Variants in PIBF1 observed in about 807,000 individuals in gnomAD.
The protein encoded by PIBF1 is progesterone immunomodulatory binding factor 1, also known as progesterone-induced-blocking factor 1.
Under a neutral mutation model 112.5 loss-of-function variants are expected in PIBF1, and 90 were observed. The ratio of observed to expected loss-of-function variants is 0.80; its 90% confidence interval spans 0.67 to 0.95. The LOEUF (loss-of-function observed/expected upper bound fraction) is 0.95. Ranked by LOEUF, PIBF1 falls within the 40% of genes least tolerant of loss-of-function variation. PIBF1 has a pLI of 0.00. For missense variants in PIBF1, 915 were observed against 852.3 expected, an observed-to-expected ratio of 1.07 and a Z score of -0.92; for synonymous variants, 301 against 288.6, an observed-to-expected ratio of 1.04 and a Z score of -0.44.
chr13:72,950,993 G>A (rs1381674919), intron 14 of PIBF1, among the ~76,000 whole-genome samples: 1 of 152,162 alleles, frequency 6.6e-6, no homozygotes, highest in Non-Finnish European at 1.5e-5. Flanking sequence ...AATCAGCAAG[G>A]AAAAAGGCAT....
At chr13:72,857,176 C>T (rs2038460415) in intron 10 of PIBF1, among the ~76,000 whole-genome samples, 1 of 152,076 alleles carries the variant, frequency 6.6e-6, no homozygotes, top group African/African-American at 2.4e-5. Context: ...TGTGACAGGT[C>T]ACTAGGGTAG....
intron 14 of PIBF1, among the ~76,000 whole-genome samples, chr13:72,954,139 G>A (rs1047518199): frequency 7.2e-5 from 11 of 152,138 alleles, no homozygotes; most frequent in African/African-American, 2.7e-4. Context: ...GGAGGGAGTA[G>A]TAGAAGGCAG....
intron 13 of PIBF1, among the ~76,000 whole-genome samples, chr13:72,925,379 A>T (rs772638500): frequency 6.6e-6 from 1 of 152,132 alleles, no homozygotes; most frequent in Admixed American, 6.6e-5. Context: ...CATTCAATAG[A>T]TAATTTCTAA....
At chr13:72,989,383 A>G (rs2043401051) in intron 16 of PIBF1, among the ~76,000 whole-genome samples, 2 of 146,828 alleles carry the variant, frequency 1.4e-5, no homozygotes, top group Admixed American at 1.5e-4. Flanking sequence ...CATGCAGTGG[A>G]ATATGATTTT....
chr13:72,875,996 A>C (rs1487719856), intron 10 of PIBF1, among the ~76,000 whole-genome samples: 1 of 152,016 alleles, frequency 6.6e-6, no homozygotes, highest in Admixed American at 6.6e-5. Flanking sequence ...TTTTGTCTAA[A>C]AAGTCATGGC....
intron 10 of PIBF1, among the ~76,000 whole-genome samples, chr13:72,888,308 A>G (rs2039934128): frequency 1.3e-5 from 2 of 152,294 alleles, no homozygotes; most frequent in South Asian, 2.1e-4. Flanking sequence ...CAAATTTTAT[A>G]TGAAAGCATA....
At chr13:73,011,772 A>G (rs1428508268) in intron 17 of PIBF1, among the ~76,000 whole-genome samples, 1 of 152,178 alleles carries the variant, frequency 6.6e-6, no homozygotes, top group Admixed American at 6.5e-5. Context: ...TTCCCAGTAC[A>G]GTATGTCCAG....
intron 6 of PIBF1, among the ~76,000 whole-genome samples, chr13:72,825,154 A>G (rs1489247532): frequency 6.6e-6 from 1 of 152,192 alleles, no homozygotes; most frequent in Non-Finnish European, 1.5e-5. Context: ...TTGGATTACC[A>G]TTATGGTAAT....
chr13:72,865,076 A>G (rs775118960), intron 10 of PIBF1, among the ~76,000 whole-genome samples: 1 of 152,232 alleles, frequency 6.6e-6, no homozygotes, highest in Non-Finnish European at 1.5e-5. Flanking sequence ...TACCATTTTT[A>G]AATTTTGTTA....
chr13:72,811,130 G>A (rs1222773804), intron 5 of PIBF1, among the ~76,000 whole-genome samples: 1 of 152,082 alleles, frequency 6.6e-6, no homozygotes, highest in African/African-American at 2.4e-5. Context: ...AAAGTGCTGG[G>A]ATTATAGGCG....
At chr13:72,833,243 T>A (rs924869803) in intron 8 of PIBF1, among the ~76,000 whole-genome samples, 2 of 152,198 alleles carry the variant, frequency 1.3e-5, no homozygotes, top group African/African-American at 4.8e-5. Flanking sequence ...AGTTTGTTAT[T>A]ACCCACCTTC....
intron 10 of PIBF1, among the ~76,000 whole-genome samples, chr13:72,855,276 A>G (rs1419852258): frequency 2.0e-5 from 3 of 152,162 alleles, no homozygotes; most frequent in Non-Finnish European, 4.4e-5. Flanking sequence ...AAATTGTCAT[A>G]CTTCTGAATT....
intron 14 of PIBF1, among the ~76,000 whole-genome samples, chr13:72,946,371 G>T (rs2042149140): frequency 6.6e-6 from 1 of 152,032 alleles, no homozygotes; most frequent in South Asian, 2.1e-4. Context: ...ACAACACATG[G>T]GGATTTTAGG....
chr13:72,953,026 C>G lies in PIBF1; in HGVS notation c.1834-12248C>G, dbSNP rs1023339666. Among the ~76,000 whole-genome samples the G allele has an allele frequency of 1.2e-4, 19 of 152,102 alleles. 1 individual carries two copies. Among genetic ancestry groups the G allele is most frequent in the African/African-American group, 4.3e-4 (18 of 41,404 alleles). On this transcript the variant is annotated intron_variant, in intron 14 of 17. Coordinates refer to ENST00000326291, the MANE Select transcript of PIBF1 (RefSeq NM_006346.4). ...ATGCCATACTTAATAGTGAGCAGAG[C>G]TCCCAGCCTTGACAGAAGCAGCTGG...
At chr13:72,993,461 A>C (rs929312582) in intron 16 of PIBF1, among the ~76,000 whole-genome samples, 4 of 152,332 alleles carry the variant, frequency 2.6e-5, no homozygotes, top group African/African-American at 9.6e-5. Flanking sequence ...AAAAACTTAG[A>C]AAAAGGTAAA....
intron 10 of PIBF1, among the ~76,000 whole-genome samples, chr13:72,887,169 T>C (rs1594126210): frequency 6.6e-6 from 1 of 151,770 alleles, no homozygotes; most frequent in Admixed American, 6.6e-5. Flanking sequence ...AGGTATATAT[T>C]TAAAATTTTT....
intron 16 of PIBF1, among the ~76,000 whole-genome samples, chr13:72,985,337 C>T (rs1350694337): frequency 7.8e-6 from 1 of 128,368 alleles, no homozygotes; most frequent in African/African-American, 2.9e-5. Flanking sequence ...ACCATCCTGG[C>T]TAACACGGTG....
chr13:72,823,889 A>G (rs1441746651), intron 6 of PIBF1, among the ~76,000 whole-genome samples: 2 of 152,150 alleles, frequency 1.3e-5, no homozygotes, highest in African/African-American at 4.8e-5. Flanking sequence ...AATGCTATTT[A>G]GAAATTTAGG....
chr13:72,973,706 C>A, intron 16 of PIBF1, 31 bp downstream of exon 16: 1 of 1,259,848 alleles, frequency 7.9e-7, no homozygotes. Flanking sequence ...TAATTGTAAT[C>A]ATTTTAGGCT....
Sources: gnomAD v4.1 joint callset for allele counts (sites outside exome capture counted in the v4.1 genomes callset) on GRCh38, gnomAD v4.1.1 for gene constraint, MANE v1.5 for transcripts, NCBI Gene and HGNC (gene_info 2026-07-23, HGNC 2026-07-21) for gene names.